TNFRSF21: variants seen among roughly 807,000 people sequenced by gnomAD.
TNFRSF21 encodes the protein TNF receptor superfamily member 21, also known as tumor necrosis factor receptor superfamily member 21.
Under a neutral mutation model 45.6 loss-of-function variants are expected in TNFRSF21, and 19 were observed. The observed-to-expected ratio is 0.42, with a 90% CI of 0.29 to 0.61. The LOEUF is 0.61. Among genes scored for constraint, TNFRSF21 ranks in the 20% least tolerant of loss-of-function variants. The pLI is 0.23. For synonymous variants in TNFRSF21, 314 were observed against 335.5 expected (o/e 0.94, Z 0.70); for missense variants, 737 against 851.5 (o/e 0.87, Z 1.67).
chr6:47,308,507 T>A (rs1762970541), intron 1 of TNFRSF21, among the ~76,000 whole-genome samples: 1 of 152,200 alleles, frequency 6.6e-6, no homozygotes, highest in African/African-American at 2.4e-5. Flanking sequence ...CCCCAATATT[T>A]GGAAATAAAG....
intron 3 of TNFRSF21, among the ~76,000 whole-genome samples, chr6:47,281,214 A>G (rs1031620298): frequency 3.3e-5 from 5 of 152,140 alleles, no homozygotes; most frequent in African/African-American, 4.8e-5. Flanking sequence ...GTCAGGAAAT[A>G]CATGCTAAAG....
chr6:47,299,777 A>T (rs1762841008), intron 1 of TNFRSF21, among the ~76,000 whole-genome samples: 2 of 152,302 alleles, frequency 1.3e-5, no homozygotes, highest in Admixed American at 1.3e-4. Context: ...TAAAATTATA[A>T]ACTCCAATAT....
At chr6:47,237,373 C>T (rs112021841) in intron 4 of TNFRSF21, among the ~76,000 whole-genome samples, 55 of 152,192 alleles carry the variant, frequency 3.6e-4, no homozygotes, top group African/African-American at 1.3e-3. Flanking sequence ...TGCAGTACTG[C>T]TACCGTACTA....
At chr6:47,274,946 C>T (rs895432150) in intron 3 of TNFRSF21, among the ~76,000 whole-genome samples, 1 of 152,210 alleles carries the variant, frequency 6.6e-6, no homozygotes, top group African/African-American at 2.4e-5. Context: ...GAGATACCAT[C>T]TTACTCCAGT....
chr6:47,271,917 G>C (rs1762425696), intron 3 of TNFRSF21, among the ~76,000 whole-genome samples: 2 of 152,152 alleles, frequency 1.3e-5, no homozygotes, highest in African/African-American at 4.8e-5. Flanking sequence ...AAGAGACAAA[G>C]AAGGCCATTA....
chr6:47,269,181 C>T (rs7768789), intron 3 of TNFRSF21, among the ~76,000 whole-genome samples: 6,171 of 151,768 alleles, frequency 0.041, 155 homozygotes, highest in Middle Eastern at 0.071. Context: ...CTCCTCTAAC[C>T]GTGACTTACA....
At chr6:47,308,479 A>C (rs1392889437) in intron 1 of TNFRSF21, among the ~76,000 whole-genome samples, 1 of 152,130 alleles carries the variant, frequency 6.6e-6, no homozygotes, top group Non-Finnish European at 1.5e-5. Flanking sequence ...ATTTTCTTCC[A>C]CCTAACTTGC....
intron 4 of TNFRSF21, among the ~76,000 whole-genome samples, chr6:47,242,845 G>A (rs568618987): frequency 3.3e-5 from 5 of 152,312 alleles, no homozygotes; most frequent in East Asian, 3.9e-4. Flanking sequence ...CAGCACCATC[G>A]GAACATGAGG....
At chr6:47,257,770 A>T (rs1765009324) in intron 3 of TNFRSF21, among the ~76,000 whole-genome samples, 1 of 152,176 alleles carries the variant, frequency 6.6e-6, no homozygotes, top group Non-Finnish European at 1.5e-5. Flanking sequence ...TCCTTTTTAA[A>T]CTATCTATAT....
intron 1 of TNFRSF21, among the ~76,000 whole-genome samples, chr6:47,287,241 A>T (rs1331356933): frequency 7.5e-6 from 1 of 132,790 alleles, no homozygotes; most frequent in African/African-American, 2.8e-5. Flanking sequence ...CAGGAGGTGG[A>T]GGTTGCAATG....
At chr6:47,250,578 T>G (rs575409473) in intron 4 of TNFRSF21, among the ~76,000 whole-genome samples, 54 of 152,334 alleles carry the variant, frequency 3.5e-4, no homozygotes, top group African/African-American at 1.0e-3. Flanking sequence ...ATAGGCACTT[T>G]CAGGCTTATG....
In TNFRSF21 at chr6:47,289,105, A is replaced by G. The variant is rs376605708; in HGVS notation, c.97-2510T>C. ...GCATTAATGAATATTGAAAAGTTCC[A>G]ACAGTTTTCACTATCCTTTATGAAA... On this transcript the variant is annotated intron_variant, in intron 1 of 5. Coordinates refer to ENST00000296861, the MANE Select transcript of TNFRSF21 (RefSeq NM_014452.5). 1.2e-3 allele frequency among the ~76,000 whole-genome samples: 180 copies of G among 152,366 alleles called. 1 individual carries two copies. The South Asian group carries it at 0.024, about 20-fold the overall frequency.
chr6:47,267,674 T>C (rs1409510115), intron 3 of TNFRSF21, among the ~76,000 whole-genome samples: 1 of 152,174 alleles, frequency 6.6e-6, no homozygotes, highest in African/African-American at 2.4e-5. Context: ...ATTTTATCAA[T>C]GTTACATATT....
chr6:47,278,850 G>A (rs138908800), intron 3 of TNFRSF21, among the ~76,000 whole-genome samples: 1 of 152,336 alleles, frequency 6.6e-6, no homozygotes, highest in Non-Finnish European at 1.5e-5. Context: ...ATTTAAAGGA[G>A]ATGCTGCCTA....
Position 47,232,808 on chromosome 6 carries a change from G to T in TNFRSF21, c.1925C>A (p.Thr642Asn), listed in dbSNP as rs1465168730. 3.1e-6 allele frequency: 5 copies of T among 1,614,008 alleles called. No individual in the cohort carries two copies. In the African/African-American group the frequency reaches 4.0e-5, roughly 13 times the overall value. Residue 642 changes from threonine (T) to asparagine (N), a missense_variant, in exon 6 of 6, where the codon ACC (threonine) becomes AAC (asparagine). Thr to Asn is a moderately conservative substitution (Grantham distance 65). Transcript: ENST00000296861. ...IGVKSQEASQ[T>N]LLDSVYSHLP... ...ATGGCTATAAACAGAGTCCAGGAGG[G>T]TCTGGCTGGCTTCCTGGCTCTTGAC...
intron 3 of TNFRSF21, among the ~76,000 whole-genome samples, chr6:47,277,271 C>T (rs565339325): frequency 2.0e-4 from 31 of 152,326 alleles, no homozygotes; most frequent in African/African-American, 6.0e-4. Context: ...GGATTACAGG[C>T]GTGAGCCACT....
At chr6:47,239,285 C>CAAAAAA (rs548172761) in intron 4 of TNFRSF21, among the ~76,000 whole-genome samples, 3 of 57,350 alleles carry the variant, frequency 5.2e-5, no homozygotes, top group Non-Finnish European at 1.1e-4. Flanking sequence ...GACTCCATCT[C>CAAAAAA]AAAAAAAAAA....
intron 3 of TNFRSF21, among the ~76,000 whole-genome samples, chr6:47,280,506 C>A (rs1438396053): frequency 1.3e-5 from 2 of 152,120 alleles, no homozygotes; most frequent in East Asian, 1.9e-4. Context: ...TATAAATATC[C>A]CAATGCAAAA....
At chr6:47,253,035 A>AT (rs137905625) in intron 4 of TNFRSF21, among the ~76,000 whole-genome samples, 9,189 of 151,152 alleles carry the variant, frequency 0.061, 324 homozygotes, top group African/African-American at 0.1. Flanking sequence ...GAGCATCAGT[A>AT]TTTTTTTTTA....
Sources: allele counts gnomAD v4.1 joint callset (sites outside exome capture counted in the v4.1 genomes callset), GRCh38; gene constraint gnomAD v4.1.1; transcripts MANE v1.5; gene names NCBI Gene and HGNC (gene_info 2026-07-23, HGNC 2026-07-21).